The following ACOT2 variants were observed in gnomAD, a reference collection of about 807,000 sequenced individuals.
The protein encoded by ACOT2 is acyl-CoA thioesterase 2.
ACOT2 carries 15 observed loss-of-function variants against 20.1 expected under a neutral mutation model. The observed-to-expected ratio is 0.75, with a 90% CI of 0.50 to 1.15. The LOEUF (loss-of-function observed/expected upper bound fraction) is 1.15. ACOT2 is among the 50% of genes most tolerant of loss of function. ACOT2 has a pLI of 0.00. For synonymous variants in ACOT2, 252 were observed against 268.4 expected, an observed-to-expected ratio of 0.94 and a Z score of 0.60; for missense variants, 479 against 615.3, an observed-to-expected ratio of 0.78 and a Z score of 2.34.
At chr14:73,570,903 TAAAA>T (rs56094300) in intron 1 of ACOT2, among the ~76,000 whole-genome samples, 6 of 137,452 alleles carry the variant, frequency 4.4e-5, no homozygotes, top group African/African-American at 5.4e-5. Flanking sequence ...GACTCTATCT[TAAAA>T]AAAAAAAAAA....
At position 73,569,489 on chromosome 14, in the gene ACOT2, C is replaced by T. The variant is rs1346619447; in HGVS notation, c.249C>T (p.Ile83=). 2 of 1,612,262 alleles carry T rather than the reference C, an allele frequency of 1.2e-6. No homozygotes were observed. The highest frequency in any genetic ancestry group is 8.5e-7 in the Non-Finnish European group (1 of 1,179,462). Reference sequence around the variant, plus strand: ...GCTGCTGGGACGAACCGGTGCGAATCGCCGTGCGCGGCCTAGCCCCGGAGC... The same window carrying T: ...GCTGCTGGGACGAACCGGTGCGAATTGCCGTGCGCGGCCTAGCCCCGGAGC... The part of the protein sequence containing the change: ...GRCCWDEPVR[I]AVRGLAPEQP... The change falls in exon 1 of 3, where the codon ATC becomes ATT. Residue 83 remains isoleucine (I), a synonymous_variant. Transcript: ENST00000238651.
upstream of ACOT2, among the ~76,000 whole-genome samples, chr14:73,568,629 T>A (rs1889646487): frequency 6.6e-6 from 1 of 151,654 alleles, no homozygotes; most frequent in Non-Finnish European, 1.5e-5. Flanking sequence ...AACAAAATAA[T>A]AACTATTAGC....
intron 1 of ACOT2, among the ~76,000 whole-genome samples, chr14:73,572,759 C>T (rs1216723230): frequency 1.3e-5 from 2 of 149,576 alleles, no homozygotes; most frequent in Non-Finnish European, 3.0e-5. Flanking sequence ...GATTCTCCTC[C>T]CTCAGCCTCC....
At chr14:73,570,110 C>CT (rs60839743) in intron 1 of ACOT2, among the ~76,000 whole-genome samples, 41,839 of 140,274 alleles carry the variant, frequency 0.3, 6,825 homozygotes, top group East Asian at 0.63. Context: ...GGGAGTTACA[C>CT]TTTTTTTTTT....
rs202179875 is a variant in ACOT2 at position 73,569,424 on chromosome 14, C to T, written c.184C>T (p.Arg62Trp). Residue 62 changes from arginine to tryptophan, a missense_variant, in exon 1 of 3, where the codon CGG (arginine) becomes TGG (tryptophan). Arg to Trp is a moderately radical substitution (Grantham distance 101, BLOSUM62 -3). Coordinates refer to ENST00000238651, the MANE Select transcript of ACOT2 (RefSeq NM_006821.6). ...QVGQIIRVPARMAATLILEPA... is the reference protein window; with the variant it reads ...QVGQIIRVPAWMAATLILEPA... The stretch of plus-strand genomic sequence containing the variant: ...TGGTCAGATCATTAGGGTTCCTGCT[C>T]GGATGGCGGCGACGCTGATCCTGGA... 8 of 1,613,914 alleles carry T rather than the reference C, an allele frequency of 5.0e-6. No homozygotes were observed. The highest frequency in any genetic ancestry group is 1.7e-4 in the Middle Eastern group (1 of 6,020).
intron 1 of ACOT2, among the ~76,000 whole-genome samples, chr14:73,572,588 G>A (rs1268273266): frequency 5.4e-5 from 8 of 147,274 alleles, no homozygotes; most frequent in African/African-American, 1.0e-4. Flanking sequence ...GATGGTTTGC[G>A]GGTATCAGCA....
chr14:73,575,410 C>G lies in ACOT2; in HGVS notation c.1349C>G (p.Pro450Arg). 2 of 1,328,584 alleles carry G rather than the reference C, an allele frequency of 1.5e-6. No individual in the cohort carries two copies. Among genetic ancestry groups the G allele is most frequent in the East Asian group, 2.4e-5 (1 of 41,178 alleles). 82.3% of individuals were successfully genotyped at this position (1,328,584 alleles called of 1,614,324 possible). Residue 450 changes from proline to arginine, a missense_variant, in exon 3 of 3, where the codon CCC (proline) becomes CGC (arginine). Pro to Arg is a moderately radical substitution (Grantham distance 103). Coordinates refer to ENST00000238651, the MANE Select transcript of ACOT2 (RefSeq NM_006821.6). The stretch of plus-strand genomic sequence containing the variant: ...AGTCCTATTATCTGGGGAGGGGAGC[C>G]CAGGGCTCATGCCATGGCTCAGGTG... Reference protein sequence around the residue: ...VGSPIIWGGEPRAHAMAQVDA... With the variant: ...VGSPIIWGGERRAHAMAQVDA...
chr14:73,573,004 A>G (rs973944696), intron 1 of ACOT2, among the ~76,000 whole-genome samples: 3 of 151,502 alleles, frequency 2.0e-5, no homozygotes, highest in East Asian at 3.8e-4. Context: ...AATGATAAAA[A>G]TATCAGTAAG....
Position 73,575,588 on chromosome 14 carries a change from G to A in ACOT2, c.*75G>A, listed in dbSNP as rs1889865447. 1 of 1,560,066 alleles carries A rather than the reference G, an allele frequency of 6.4e-7. No homozygotes were observed. The highest frequency in any genetic ancestry group is 8.6e-7 in the Non-Finnish European group (1 of 1,156,574). On this transcript the variant is annotated 3_prime_UTR_variant, in exon 3 of 3. Transcript: ENST00000238651. Reference sequence around the variant, plus strand: ...TCTGCCACATTTAGTGTGTGTATGTGTATTCATTCTTTTGTTTTTAATAAC... The same window carrying A: ...TCTGCCACATTTAGTGTGTGTATGTATATTCATTCTTTTGTTTTTAATAAC...
chr14:73,570,713 T>A (rs1889715144), intron 1 of ACOT2, among the ~76,000 whole-genome samples: 1 of 151,920 alleles, frequency 6.6e-6, no homozygotes, highest in South Asian at 2.1e-4. Flanking sequence ...GAGACCAGCC[T>A]GGCCAACATG....
At chr14:73,570,374 C>T (rs1230742198) in intron 1 of ACOT2, among the ~76,000 whole-genome samples, 1 of 151,790 alleles carries the variant, frequency 6.6e-6, no homozygotes, top group African/African-American at 2.4e-5. Context: ...TTGAGGCCAT[C>T]CTGACTAACA....
chr14:73,573,501 T>A lies in ACOT2; in HGVS notation c.757T>A (p.Tyr253Asn). The change falls in exon 2 of 3, where the codon TAT becomes AAT. Residue 253 changes from tyrosine to asparagine, a missense_variant. Physicochemically the swap from Tyr to Asn is moderately radical, Grantham distance 143. This residue lies in a region of ACOT2 where 400 missense variants were observed against 395.5 expected (regional missense o/e 1.01). Coordinates refer to ENST00000238651, the MANE Select transcript of ACOT2 (RefSeq NM_006821.6). ...TTTTGCTGTGATGGCTCTGGCTTAT[T>A]ATAACTATGAAGACCTCCCCAAGAC... Reference protein sequence around the residue: ...KGFAVMALAYYNYEDLPKTME... With the variant: ...KGFAVMALAYNNYEDLPKTME... The A allele has an allele frequency of 6.2e-7, 1 of 1,613,758 alleles. No homozygotes were observed. Among genetic ancestry groups the A allele is most frequent in the Non-Finnish European group, 8.5e-7 (1 of 1,179,726 alleles).
rs1206320446 is a variant in ACOT2, at chr14:73,569,702, G to A, written c.462G>A (p.Arg154=). Residue 154 remains arginine, a synonymous_variant, in exon 1 of 3, where the codon CGG becomes CGA. Transcript: ENST00000238651. The part of the protein sequence containing the change: ...WALEPEKPLV[R]LVKRDVRTPL... ...TGGAGCCCGAGAAACCTTTGGTGCG[G>A]CTGGTGAAGCGCGACGTGCGAACGC... The A allele has an allele frequency of 1.9e-6, 3 of 1,609,488 alleles. No individual in the cohort carries two copies. Among genetic ancestry groups the A allele is most frequent in the Non-Finnish European group, 2.5e-6 (3 of 1,178,918 alleles).
chr14:73,571,512 G>A (rs1889750105), intron 1 of ACOT2: 1 of 152,010 alleles, frequency 6.6e-6, no homozygotes, highest in Admixed American at 6.6e-5. Context: ...TCACACCCGT[G>A]GGCCACTTTA....
chr14:73,567,941 C>G (rs1338236752), upstream of ACOT2: 1 of 152,136 alleles, frequency 6.6e-6, no homozygotes, highest in Admixed American at 6.6e-5. Flanking sequence ...AGGAAACAAA[C>G]TCCAGACACA....
At chr14:73,574,833 C>T in intron 2 of ACOT2, 75 bp from the exon 3 acceptor site, 2 of 1,606,520 alleles carry the variant, frequency 1.2e-6, no homozygotes, top group East Asian at 2.2e-5. Context: ...AACTAACTTC[C>T]AGGGTGGACA....
chr14:73,569,542 G>A lies in ACOT2; in HGVS notation c.302G>A (p.Arg101His). ...CCGGTCACGCTGCGCGCGTCCCTGC[G>A]CGACGAGAAGGGCGCGCTTTTCCAG... ...EQPVTLRASL[R>H]DEKGALFQAH... The change falls in exon 1 of 3, where the codon CGC becomes CAC. Residue 101 changes from arginine to histidine, a missense_variant. Physicochemically the swap from Arg to His is conservative, Grantham distance 29. Around this residue, in one of 4 missense-constraint regions of ACOT2, gnomAD observed 400 missense variants for 395.5 expected, o/e 1.01. Coordinates refer to ENST00000238651, the MANE Select transcript of ACOT2 (RefSeq NM_006821.6). 2 of 1,605,066 alleles carry A rather than the reference G, an allele frequency of 1.2e-6. No individual in the cohort carries two copies. The highest frequency in any genetic ancestry group is 1.3e-5 in the African/African-American group (1 of 74,782).
At chr14:73,567,932 G>A (rs563036885), upstream of ACOT2, 4 of 152,204 alleles carry the variant, frequency 2.6e-5, no homozygotes, top group African/African-American at 9.6e-5. Context: ...GAACATCAGA[G>A]GAAACAAACT....
intron 1 of ACOT2, among the ~76,000 whole-genome samples, chr14:73,573,134 G>A (rs1488398333): frequency 6.6e-6 from 1 of 151,620 alleles, no homozygotes; most frequent in Non-Finnish European, 1.5e-5. Context: ...TTTGTTTCTT[G>A]GTGGTGCACC....
Sources: allele counts gnomAD v4.1 joint callset (sites outside exome capture counted in the v4.1 genomes callset), GRCh38; gene constraint gnomAD v4.1.1; regional missense constraint gnomAD v4.1.1; transcripts MANE v1.5; gene names NCBI Gene and HGNC (gene_info 2026-07-23, HGNC 2026-07-21).